Variants in SSPN observed in about 807,000 individuals in gnomAD.
The protein encoded by SSPN is sarcospan.
Under a neutral mutation model 19.1 loss-of-function variants are expected in SSPN, and 15 were observed. The ratio of observed to expected loss-of-function variants is 0.78; its 90% confidence interval spans 0.52 to 1.21. SSPN has a LOEUF of 1.21. Among genes scored for constraint, SSPN ranks in the 50% most tolerant of loss-of-function variants. The probability of loss-of-function intolerance (pLI) is 0.00; values close to 1 mark genes in which losing one functional copy is unlikely to be tolerated. For missense variants in SSPN, 291 were observed against 314.0 expected (o/e 0.93, Z 0.55); for synonymous variants, 147 against 140.3 (o/e 1.05, Z -0.34).
At chr12:26,190,234 C>T (rs376076292) in intron 1 of SSPN, among the ~76,000 whole-genome samples, 12 of 152,316 alleles carry the variant, frequency 7.9e-5, no homozygotes, top group East Asian at 5.8e-4. Context: ...CTGAATAACT[C>T]AAGTGTTGCT....
At chr12:26,175,156 G>T (rs1207822452) in intron 1 of SSPN, among the ~76,000 whole-genome samples, 1 of 152,158 alleles carries the variant, frequency 6.6e-6, no homozygotes. Flanking sequence ...CATTTTGTAT[G>T]CCTACTAGCA....
At chr12:26,137,777 A>C (rs1944437090) in intron 1 of SSPN, among the ~76,000 whole-genome samples, 1 of 145,182 alleles carries the variant, frequency 6.9e-6, no homozygotes, top group Non-Finnish European at 1.5e-5. Context: ...CGATTCTCCT[A>C]CCTCAGCCTC....
Position 26,232,820 on chromosome 12 carries a change from A to G in SSPN, c.*1744A>G, listed in dbSNP as rs1945247304. 1.6e-6 allele frequency: 1 copy of G among 617,456 alleles called. No individual in the cohort carries two copies. The highest frequency in any genetic ancestry group is 2.0e-6 in the Non-Finnish European group (1 of 493,866). The allele number at this position is 617,456 out of a possible 1,614,324, so 38.2% of individuals were successfully genotyped here. On this transcript the variant is annotated 3_prime_UTR_variant, in exon 3 of 3. Transcript: ENST00000242729. ...ACACATTAGCTCCAGCTAAAAAGAC[A>G]CATTGGAGAGCTTAGAGGATAAGTC...
In SSPN at chr12:26,232,840, T is replaced by A. The variant is rs1565697607; in HGVS notation, c.*1764T>A. On this transcript the variant is annotated 3_prime_UTR_variant, in exon 3 of 3. Coordinates refer to ENST00000242729, the MANE Select transcript of SSPN (RefSeq NM_005086.5). ...AAGACACATTGGAGAGCTTAGAGGATAAGTCTCTGGAGCAGAATTTATCAC... is the reference window on the plus strand; with the variant it reads ...AAGACACATTGGAGAGCTTAGAGGAAAAGTCTCTGGAGCAGAATTTATCAC... 5 of 466,198 alleles carry A rather than the reference T, an allele frequency of 1.1e-5. No homozygotes were observed. The highest frequency in any genetic ancestry group is 1.4e-5 in the Non-Finnish European group (5 of 359,854). The allele number at this position is 466,198 out of a possible 1,614,324, so 28.9% of individuals were successfully genotyped here.
chr12:26,168,982 G>C (rs538938243), intron 1 of SSPN, among the ~76,000 whole-genome samples: 1 of 151,050 alleles, frequency 6.6e-6, no homozygotes, highest in Non-Finnish European at 1.5e-5. Context: ...AGACATAATG[G>C]TAGTGATTTT....
chr12:26,182,403 A>G (rs1944723967), intron 1 of SSPN, among the ~76,000 whole-genome samples: 1 of 152,232 alleles, frequency 6.6e-6, no homozygotes, highest in Admixed American at 6.5e-5. Flanking sequence ...TAAGAATGAT[A>G]TTATTTTGGA....
chr12:26,131,150 C>A (rs1365864425), intron 1 of SSPN, among the ~76,000 whole-genome samples: 2 of 152,176 alleles, frequency 1.3e-5, no homozygotes, highest in Admixed American at 6.5e-5. Flanking sequence ...GAGTTGGCAG[C>A]ATCATTTTAT....
At chr12:26,226,964 C>A (rs924038642) in intron 2 of SSPN, among the ~76,000 whole-genome samples, 2 of 152,080 alleles carry the variant, frequency 1.3e-5, no homozygotes, top group Admixed American at 1.3e-4. Flanking sequence ...CGCGCCCGGG[C>A]GCTGCTGTTA....
At chr12:26,199,012 C>T (rs547991361) in intron 1 of SSPN, among the ~76,000 whole-genome samples, 7 of 152,338 alleles carry the variant, frequency 4.6e-5, no homozygotes, top group Non-Finnish European at 1.5e-5. Flanking sequence ...TACAACTTTC[C>T]ATGCTTCATT....
chr12:26,137,636 G>GTGTGTATATATATA (rs1555175653), intron 1 of SSPN, among the ~76,000 whole-genome samples: 7 of 31,376 alleles, frequency 2.2e-4, no homozygotes, highest in African/African-American at 7.5e-4. Flanking sequence ...GTGTGTGTAT[G>GTGTGTATATATATA]TATATATATA....
chr12:26,144,784 A>T (rs1944480211), intron 1 of SSPN, among the ~76,000 whole-genome samples: 1 of 152,190 alleles, frequency 6.6e-6, no homozygotes, highest in South Asian at 2.1e-4. Flanking sequence ...GCATGATTTT[A>T]TATTATCCGA....
chr12:26,172,494 G>A (rs1278495800), intron 1 of SSPN, among the ~76,000 whole-genome samples: 9 of 152,282 alleles, frequency 5.9e-5, no homozygotes, highest in African/African-American at 2.2e-4. Flanking sequence ...TGCGAAAGAT[G>A]AGGATATAAC....
intron 1 of SSPN, chr12:26,123,485 GGGAAAGTATAA>G: frequency 1.4e-6 from 1 of 730,116 alleles, no homozygotes; most frequent in Admixed American, 2.0e-5. Context: ...TTCCAATGAA[GGGAAAGTATAA>G]GCAATTTAAC....
intron 1 of SSPN, among the ~76,000 whole-genome samples, chr12:26,222,332 G>C (rs73295090): frequency 0.076 from 11,637 of 152,278 alleles, 820 homozygotes; most frequent in African/African-American, 0.19. Context: ...CAGTGGATGA[G>C]GGCATAGGCA....
chr12:26,151,458 T>G (rs71452007), intron 1 of SSPN, among the ~76,000 whole-genome samples: 13 of 152,198 alleles, frequency 8.5e-5, no homozygotes, highest in Admixed American at 7.2e-4. Context: ...AATCCTCAAT[T>G]GGGTCCTAAG....
At chr12:26,212,871 AG>A (rs1945005371) in intron 1 of SSPN, among the ~76,000 whole-genome samples, 1 of 151,982 alleles carries the variant, frequency 6.6e-6, no homozygotes, top group Non-Finnish European at 1.5e-5. Context: ...TTTTTTTTCA[AG>A]GTTATAATTA....
upstream of SSPN, among the ~76,000 whole-genome samples, chr12:26,193,203 C>T (rs535396122): frequency 3.9e-5 from 6 of 152,312 alleles, no homozygotes; most frequent in South Asian, 4.1e-4. Flanking sequence ...TTTAAACAGT[C>T]TAGCCACTTG....
intron 1 of SSPN, among the ~76,000 whole-genome samples, chr12:26,201,031 A>ATATATATAT (rs1555179560): frequency 1.5e-4 from 9 of 60,516 alleles, no homozygotes; most frequent in East Asian, 6.5e-4. Context: ...ATATATATAT[A>ATATATATAT]TATATATATA....
intron 1 of SSPN, among the ~76,000 whole-genome samples, chr12:26,149,340 G>T (rs1455246811): frequency 6.6e-6 from 1 of 151,168 alleles, no homozygotes; most frequent in East Asian, 1.9e-4. Flanking sequence ...CTACCATACT[G>T]GTGATTTAGG....
Sources: gnomAD v4.1 joint callset for allele counts (sites outside exome capture counted in the v4.1 genomes callset) on GRCh38, gnomAD v4.1.1 for gene constraint, MANE v1.5 for transcripts, NCBI Gene and HGNC (gene_info 2026-07-23, HGNC 2026-07-21) for gene names.